Variants in ARHGAP22 observed in about 807,000 individuals in gnomAD.
The protein encoded by ARHGAP22 is rho GTPase-activating protein 22.
A neutral mutation model predicts 59.1 loss-of-function variants in ARHGAP22; 48 were observed. That is an observed-to-expected ratio of 0.81 (90% CI 0.64 to 1.03). The LOEUF is 1.03. Among genes scored for constraint, ARHGAP22 ranks in the 50% least tolerant of loss-of-function variants. The probability of loss-of-function intolerance (pLI) is 0.00; values close to 1 mark genes in which losing one functional copy is unlikely to be tolerated. For missense variants in ARHGAP22, 1,015 were observed against 958.7 expected (o/e 1.06, Z -0.78); for synonymous variants, 445 against 416.4 (o/e 1.07, Z -0.84).
intron 4 of ARHGAP22, among the ~76,000 whole-genome samples, chr10:48,465,980 C>T (rs750264573): frequency 5.9e-5 from 9 of 152,122 alleles, no homozygotes; most frequent in Non-Finnish European, 1.2e-4. Context: ...TTCAGAATTG[C>T]CCCCAGGGCT....
Position 48,450,872 on chromosome 10 carries a change from C to T in ARHGAP22, c.1257G>A (p.Gly419=). 1 of 1,588,900 alleles carries T rather than the reference C, an allele frequency of 6.3e-7. No homozygotes were observed. Among genetic ancestry groups the T allele is most frequent in the Non-Finnish European group, 8.6e-7 (1 of 1,168,696 alleles). The change falls in exon 9 of 10, where the codon GGG becomes GGA. Residue 419 remains glycine (G), a synonymous_variant. Transcript: ENST00000249601. Reference sequence around the variant, plus strand: ...AACTGGGCAGGGTCTGCACCTTCTTCCCAGGGCTGCACCGGCTCCCCGGCC... The same window carrying T: ...AACTGGGCAGGGTCTGCACCTTCTTTCCAGGGCTGCACCGGCTCCCCGGCC... ...PTGPGSRCSP[G]KKVQTLPSWK...
intron 3 of ARHGAP22, among the ~76,000 whole-genome samples, chr10:48,534,928 CA>C (rs1370129020): frequency 2.6e-5 from 4 of 152,204 alleles, no homozygotes; most frequent in Non-Finnish European, 5.9e-5. Context: ...CAGTCCTGCA[CA>C]CCTTTTAAGG....
chr10:48,549,254 A>T (rs902814891), intron 3 of ARHGAP22, among the ~76,000 whole-genome samples: 1 of 152,092 alleles, frequency 6.6e-6, no homozygotes, highest in African/African-American at 2.4e-5. Context: ...ATTGAGATGG[A>T]GGGAAGGGGT....
chr10:48,500,193 A>G (rs1293545957), intron 3 of ARHGAP22, among the ~76,000 whole-genome samples: 1 of 152,188 alleles, frequency 6.6e-6, no homozygotes, highest in Non-Finnish European at 1.5e-5. Context: ...ATAATTAAAA[A>G]ATTAGCCACG....
intron 3 of ARHGAP22, among the ~76,000 whole-genome samples, chr10:48,512,080 G>A (rs535113054): frequency 1.4e-4 from 21 of 152,358 alleles, no homozygotes; most frequent in African/African-American, 4.6e-4. Flanking sequence ...AACCTGGATA[G>A]GCTGAAGCCA....
In ARHGAP22 at chr10:48,490,624, C is replaced by T. The variant is rs188151945; in HGVS notation, c.323-10860G>A. On this transcript the variant is annotated intron_variant, in intron 3 of 9. Coordinates refer to ENST00000249601, the MANE Select transcript of ARHGAP22 (RefSeq NM_021226.4). ...ATCAAACTAGCTCCTCCTGTGTTCC[C>T]ACTTCGGTGGCCACAGCTAGGTGCC... is the stretch of plus-strand genomic sequence containing the variant. Among the ~76,000 whole-genome samples, 374 of 152,328 alleles carry T rather than the reference C, an allele frequency of 2.5e-3. 4 individuals are homozygous for T. Among genetic ancestry groups the T allele is most frequent in the Non-Finnish European group, 8.8e-4 (60 of 68,032 alleles).
downstream of ARHGAP22, among the ~76,000 whole-genome samples, chr10:48,442,003 T>C (rs868657445): frequency 1.3e-5 from 2 of 152,232 alleles, no homozygotes; most frequent in Non-Finnish European, 2.9e-5. Flanking sequence ...AGGTGTTCCA[T>C]AAATGGTGGG....
intron 1 of ARHGAP22, chr10:48,652,163 C>A: frequency 7.1e-7 from 1 of 1,418,408 alleles, no homozygotes; most frequent in Admixed American, 2.0e-5. Flanking sequence ...CCTCCGGGGA[C>A]CCCATCCCTC....
the ARHGAP22 span, chr10:48,438,789 A>G: frequency 6.6e-6 from 1 of 152,214 alleles, no homozygotes; most frequent in African/African-American, 2.4e-5. Flanking sequence ...AGACACGTGT[A>G]AAATCTTTGA....
chr10:48,488,795 C>T (rs1178509055), intron 3 of ARHGAP22, among the ~76,000 whole-genome samples: 5 of 152,186 alleles, frequency 3.3e-5, no homozygotes, highest in Admixed American at 1.3e-4. Context: ...CACATGGTGA[C>T]GAGTGCATGG....
Position 48,507,988 on chromosome 10 carries a change from G to A in ARHGAP22, c.323-28224C>T, listed in dbSNP as rs568004526. ...TTGCCTGAAGCCCTGTAGCTGCTGA[G>A]TCATGTGGACCTGCTTGTCTTGGAG... On this transcript the variant is annotated intron_variant, in intron 3 of 9. Transcript: ENST00000249601. Among the ~76,000 whole-genome samples the A allele has an allele frequency of 3.3e-5, 5 of 152,186 alleles. No individual in the cohort carries two copies. The South Asian group carries it at 1.0e-3, about 32-fold the overall frequency.
chr10:48,467,638 A>G (rs1304410838), intron 4 of ARHGAP22, among the ~76,000 whole-genome samples: 1 of 149,990 alleles, frequency 6.7e-6, no homozygotes, highest in Non-Finnish European at 1.5e-5. Context: ...AATCAGGGTG[A>G]CTTCTTTCTT....
chr10:48,462,481 G>T (rs1372859499), intron 4 of ARHGAP22, among the ~76,000 whole-genome samples: 3 of 152,198 alleles, frequency 2.0e-5, no homozygotes, highest in Admixed American at 1.3e-4. Flanking sequence ...ATGTGCCCAA[G>T]TTCACTCAGC....
chr10:48,465,294 TGCCAGGCCTCCCCC>T (rs2047541280), intron 4 of ARHGAP22, among the ~76,000 whole-genome samples: 2 of 152,196 alleles, frequency 1.3e-5, no homozygotes, highest in Non-Finnish European at 2.9e-5. Context: ...ATGAACTTGC[TGCCAGGCCTCCCCC>T]GCCAGCGTTC....
At chr10:48,519,766 G>C (rs2053632513) in intron 3 of ARHGAP22, among the ~76,000 whole-genome samples, 3 of 152,240 alleles carry the variant, frequency 2.0e-5, no homozygotes, top group African/African-American at 7.2e-5. Flanking sequence ...AGAGGAAGTG[G>C]TGTGGTGCGG....
At chr10:48,513,741 G>T (rs1220671193) in intron 3 of ARHGAP22, among the ~76,000 whole-genome samples, 1 of 152,156 alleles carries the variant, frequency 6.6e-6, no homozygotes, top group Non-Finnish European at 1.5e-5. Flanking sequence ...AAGATTGTAA[G>T]ATACCCAAGA....
intron 6 of ARHGAP22, 22 bp downstream of exon 6, chr10:48,454,980 G>T: frequency 6.4e-7 from 1 of 1,571,220 alleles, no homozygotes; most frequent in Non-Finnish European, 8.7e-7. Flanking sequence ...TCTCCCAGGA[G>T]CTATCCCCAG....
intron 2 of ARHGAP22, among the ~76,000 whole-genome samples, chr10:48,576,193 T>A (rs1373791): frequency 0.54 from 81,359 of 151,868 alleles, 22,794 homozygotes; most frequent in East Asian, 0.97. Context: ...ACACATAGCA[T>A]CCATGGACCT....
chr10:48,549,670 A>T (rs1441036755), intron 3 of ARHGAP22, among the ~76,000 whole-genome samples: 1 of 152,208 alleles, frequency 6.6e-6, no homozygotes, highest in Non-Finnish European at 1.5e-5. Context: ...CTTATACATT[A>T]TACGGTCCTC....
Sources: gnomAD v4.1 joint callset for allele counts (sites outside exome capture counted in the v4.1 genomes callset) on GRCh38, gnomAD v4.1.1 for gene constraint, MANE v1.5 for transcripts, NCBI Gene and HGNC (gene_info 2026-07-23, HGNC 2026-07-21) for gene names.